PCDH7: variants seen among roughly 807,000 people sequenced by gnomAD.
The protein encoded by PCDH7 is protocadherin-7.
PCDH7 carries 17 observed loss-of-function variants against 58.9 expected under a neutral mutation model. That is an observed-to-expected ratio of 0.29 (90% CI 0.20 to 0.43). The LOEUF (loss-of-function observed/expected upper bound fraction) is 0.43, where lower values mean the gene tolerates loss of function less well. Among genes scored for constraint, PCDH7 ranks in the 20% least tolerant of loss-of-function variants. PCDH7 has a pLI of 1.00. For synonymous variants in PCDH7, 664 were observed against 616.4 expected (o/e 1.08, Z -1.14); for missense variants, 1,274 against 1,441.0 (o/e 0.88, Z 1.88).
At chr4:31,063,148 A>G (rs1388037239) in intron 3 of PCDH7, among the ~76,000 whole-genome samples, 1 of 151,910 alleles carries the variant, frequency 6.6e-6, no homozygotes, top group Non-Finnish European at 1.5e-5. Context: ...AGATACCTCC[A>G]GATAGATCTA....
At chr4:30,814,373 G>A (rs1283156144) in intron 1 of PCDH7, among the ~76,000 whole-genome samples, 2 of 152,030 alleles carry the variant, frequency 1.3e-5, no homozygotes, top group Non-Finnish European at 2.9e-5. Flanking sequence ...CAGTAAAAAT[G>A]TCAATTCGTC....
chr4:30,723,219 C>A lies in PCDH7; in HGVS notation c.1797C>A (p.Arg599=). 7 of 1,614,162 alleles carry A rather than the reference C, an allele frequency of 4.3e-6. No individual in the cohort carries two copies. The highest frequency in any genetic ancestry group is 1.3e-5 in the African/African-American group (1 of 75,032). Reference sequence around the variant, plus strand: ...TCCTGGTCAATACCGTGCTGGACCGCGAGCAGACTGACAGGTATGAGTTTA... The same window carrying A: ...TCCTGGTCAATACCGTGCTGGACCGAGAGCAGACTGACAGGTATGAGTTTA... The change falls in exon 1 of 2, where the codon CGC becomes CGA. Residue 599 remains arginine, a synonymous_variant. Transcript: ENST00000361762. This position sits in a 1 kb window ranked among gnomAD's most constrained non-coding sequence, Gnocchi z 4.6.
chr4:30,920,370 G>A lies in PCDH7; in HGVS notation c.287+1G>A, dbSNP rs924569988. ...GGTGAGGCAGAGCATATGGAAAATGGTAGGGGCAAACACAACATCCACACA... is the reference window on the plus strand; with the variant it reads ...GGTGAGGCAGAGCATATGGAAAATGATAGGGGCAAACACAACATCCACACA... On this transcript the variant is annotated splice_donor_variant, in intron 2 of 3. Coordinates refer to the PCDH7 transcript ENST00000509759. LOFTEE classifies it high-confidence loss of function. The A allele has an allele frequency of 7.3e-7, 1 of 1,366,506 alleles. No individual in the cohort carries two copies. Among genetic ancestry groups the A allele is most frequent in the Non-Finnish European group, 9.8e-7 (1 of 1,021,368 alleles). 84.6% of individuals were successfully genotyped at this position (1,366,506 alleles called of 1,614,324 possible).
intron 1 of PCDH7, among the ~76,000 whole-genome samples, chr4:30,795,621 G>T (rs1431455695): frequency 6.6e-6 from 1 of 152,166 alleles, no homozygotes; most frequent in African/African-American, 2.4e-5. Flanking sequence ...CACTAACTAG[G>T]CTGGCATGAG....
At position 30,912,856 on chromosome 4, in the gene PCDH7, A is replaced by G. The variant is rs78937819; in HGVS notation, c.71-7297A>G. Among the ~76,000 whole-genome samples, 607 of 152,254 alleles carry G rather than the reference A, an allele frequency of 4.0e-3. 1 individual carries two copies. The highest frequency in any genetic ancestry group is 6.1e-3 in the Non-Finnish European group (418 of 68,002). On this transcript the variant is annotated intron_variant, in intron 1 of 3. Transcript: ENST00000509759. ...CTATATTTTCTGTTTTACTGTAACT[A>G]TTGTGTACAGGTTGTAACTTAGAAA...
intron 1 of PCDH7, among the ~76,000 whole-genome samples, chr4:30,761,181 C>T (rs1488520723): frequency 2.0e-5 from 3 of 152,176 alleles, no homozygotes; most frequent in African/African-American, 7.2e-5. Context: ...CTAATGTATG[C>T]AGCCTTAGGG....
chr4:31,097,776 G>C (rs1254495206), intron 3 of PCDH7, among the ~76,000 whole-genome samples: 1 of 151,076 alleles, frequency 6.6e-6, no homozygotes, highest in Non-Finnish European at 1.5e-5. Flanking sequence ...GGCTAGCTCT[G>C]CCTTTTTATA....
At chr4:31,043,219 A>T (rs1055881409) in intron 3 of PCDH7, among the ~76,000 whole-genome samples, 1 of 152,140 alleles carries the variant, frequency 6.6e-6, no homozygotes, top group Admixed American at 6.6e-5. Context: ...AGCATCTGGC[A>T]TAAAATAATG....
At chr4:31,113,533 C>T (rs1177204096) in intron 3 of PCDH7, among the ~76,000 whole-genome samples, 2 of 152,056 alleles carry the variant, frequency 1.3e-5, no homozygotes, top group African/African-American at 4.8e-5. Context: ...CATAGAGAAG[C>T]TAAAACTGAG....
chr4:30,731,467 G>A (rs544086633), exon 2 of PCDH7: 4 of 151,856 alleles, frequency 2.6e-5, no homozygotes, highest in African/African-American at 9.7e-5. Context: ...CACTGTAATG[G>A]ATTGATTTTT....
chr4:30,968,357 CACTATA>C (rs1560541433), intron 3 of PCDH7, among the ~76,000 whole-genome samples: 1 of 112,620 alleles, frequency 8.9e-6, no homozygotes, highest in Non-Finnish European at 1.7e-5. Flanking sequence ...TATATACACA[CACTATA>C]TATATACACA....
intron 1 of PCDH7, among the ~76,000 whole-genome samples, chr4:30,867,685 C>T (rs1466960954): frequency 1.3e-5 from 2 of 152,030 alleles, no homozygotes; most frequent in Non-Finnish European, 2.9e-5. Flanking sequence ...GCCGCCACTT[C>T]CTTGCGAGAA....
At chr4:30,975,924 A>G (rs970994371) in intron 3 of PCDH7, among the ~76,000 whole-genome samples, 1 of 152,092 alleles carries the variant, frequency 6.6e-6, no homozygotes, top group East Asian at 1.9e-4. Context: ...AATATCTTTC[A>G]GCTCTAGTAA....
intron 1 of PCDH7, among the ~76,000 whole-genome samples, chr4:30,726,740 G>A (rs1378423776): frequency 6.6e-6 from 1 of 151,846 alleles, no homozygotes; most frequent in Non-Finnish European, 1.5e-5. Flanking sequence ...TTAACCCCAA[G>A]TAAATAGCTG....
intron 3 of PCDH7, among the ~76,000 whole-genome samples, chr4:31,044,383 A>G (rs949211814): frequency 2.0e-5 from 3 of 152,010 alleles, no homozygotes; most frequent in Non-Finnish European, 4.4e-5. Flanking sequence ...TATATCCCAT[A>G]TTTCTTTAAG....
intron 1 of PCDH7, among the ~76,000 whole-genome samples, chr4:30,811,891 G>A (rs149537506): frequency 6.6e-6 from 1 of 152,246 alleles, no homozygotes; most frequent in East Asian, 1.9e-4. Context: ...ATTTCACCAG[G>A]TGGAGAATAG....
chr4:31,056,458 G>GAAGA (rs1553932367), intron 3 of PCDH7, among the ~76,000 whole-genome samples: 8,517 of 82,572 alleles, frequency 0.1, 475 homozygotes, highest in Non-Finnish European at 0.13. Context: ...AAGAAAGAAA[G>GAAGA]AAGAAAGAAA....
chr4:30,986,814 CTA>C, intron 3 of PCDH7, among the ~76,000 whole-genome samples: 1 of 152,008 alleles, frequency 6.6e-6, no homozygotes, highest in South Asian at 2.1e-4. Flanking sequence ...CATCCCGTCT[CTA>C]CTAAAAATAC....
At chr4:30,799,388 CA>C (rs1192691504) in intron 1 of PCDH7, among the ~76,000 whole-genome samples, 1 of 152,162 alleles carries the variant, frequency 6.6e-6, no homozygotes, top group Non-Finnish European at 1.5e-5. Flanking sequence ...TTGTTGAAGC[CA>C]TTCTTAATAT....
Sources: gnomAD v4.1 joint callset for allele counts (sites outside exome capture counted in the v4.1 genomes callset) on GRCh38, gnomAD v4.1.1 for gene constraint, Gnocchi (gnomAD v3.1) non-coding constraint, MANE v1.5 for transcripts, NCBI Gene and HGNC (gene_info 2026-07-23, HGNC 2026-07-21) for gene names.